The following ARHGAP26 variants were observed in gnomAD, a reference collection of about 807,000 sequenced individuals.
ARHGAP26 encodes the protein Rho GTPase activating protein 26.
Under a neutral mutation model 104.8 loss-of-function variants are expected in ARHGAP26, and 38 were observed. That is an observed-to-expected ratio of 0.36 (90% CI 0.28 to 0.48). The LOEUF (loss-of-function observed/expected upper bound fraction) is 0.48. ARHGAP26 is among the 20% of genes least tolerant of loss of function. The pLI is 0.99. For synonymous variants in ARHGAP26, 341 were observed against 340.0 expected (o/e 1.00, Z -0.03); for missense variants, 704 against 947.9 (o/e 0.74, Z 3.38).
chr5:143,004,298 G>T (rs916814672), intron 11 of ARHGAP26, among the ~76,000 whole-genome samples: 12 of 152,072 alleles, frequency 7.9e-5, no homozygotes, highest in African/African-American at 2.9e-4. Flanking sequence ...TCCTTCTCAG[G>T]CCATATTTAG....
At chr5:142,771,029 G>C in intron 1 of ARHGAP26, 114 bp downstream of exon 1, 2 of 1,444,792 alleles carry the variant, frequency 1.4e-6, no homozygotes, top group Non-Finnish European at 1.8e-6. Context: ...GTACACTGGG[G>C]GACGGGTGTC....
At chr5:143,022,827 C>A (rs1780535852) in intron 12 of ARHGAP26, among the ~76,000 whole-genome samples, 2 of 152,198 alleles carry the variant, frequency 1.3e-5, no homozygotes, top group Admixed American at 6.5e-5. Flanking sequence ...TTGCCAGGGT[C>A]ATTTTTTTCC....
intron 17 of ARHGAP26, among the ~76,000 whole-genome samples, chr5:143,114,599 T>C (rs1447919670): frequency 6.6e-6 from 1 of 152,032 alleles, no homozygotes; most frequent in Non-Finnish European, 1.5e-5. Flanking sequence ...TCTGAGAGGG[T>C]AGTAGAGAGA....
chr5:143,142,271 T>C (rs1798643891), intron 19 of ARHGAP26, among the ~76,000 whole-genome samples: 1 of 151,524 alleles, frequency 6.6e-6, no homozygotes. Flanking sequence ...CCTGAGTAGC[T>C]GGGACTGCAT....
intron 18 of ARHGAP26, among the ~76,000 whole-genome samples, chr5:143,133,716 A>G (rs1050590376): frequency 2.0e-5 from 3 of 152,182 alleles, no homozygotes; most frequent in Admixed American, 6.5e-5. Flanking sequence ...CGCTTAGTGG[A>G]AATTGTGGCA....
intron 5 of ARHGAP26, among the ~76,000 whole-genome samples, chr5:142,890,103 T>C (rs1238620996): frequency 8.1e-6 from 1 of 123,162 alleles, no homozygotes; most frequent in Non-Finnish European, 1.6e-5. Flanking sequence ...GCCATTGTAC[T>C]CCAGCCTGGG....
chr5:143,000,002 G>A (rs767787259), intron 11 of ARHGAP26, among the ~76,000 whole-genome samples: 4 of 152,108 alleles, frequency 2.6e-5, no homozygotes, highest in African/African-American at 4.8e-5. Flanking sequence ...ATACATACAT[G>A]AAAAAGTATA....
rs1336267009 is a variant in ARHGAP26 at position 143,147,318 on chromosome 5, A to G, written c.1925A>G (p.Gln642Arg). The change falls in exon 20 of 23, where the codon CAG becomes CGG. Residue 642 changes from glutamine (Q) to arginine (R), a missense_variant. By Grantham distance (43) the Gln-to-Arg change is conservative. Coordinates refer to ENST00000645722, the MANE Select transcript of ARHGAP26 (RefSeq NM_001135608.3). Reference protein sequence around the residue: ...NSILNSSSSLQPNMNSSDPDL... With the variant: ...NSILNSSSSLRPNMNSSDPDL... ...ATCCTTAATTCCAGCAGCAGCTTAC[A>G]GCCCAACATGAACTCCAGTGACCCA... is the stretch of plus-strand genomic sequence containing the variant. 3 of 1,613,948 alleles carry G rather than the reference A, an allele frequency of 1.9e-6. No homozygotes were observed. The highest frequency in any genetic ancestry group is 2.5e-6 in the Non-Finnish European group (3 of 1,179,992).
intron 1 of ARHGAP26, among the ~76,000 whole-genome samples, chr5:142,815,311 G>A (rs996448085): frequency 1.3e-5 from 2 of 152,190 alleles, no homozygotes; most frequent in Non-Finnish European, 2.9e-5. Context: ...AAAGTGCTGG[G>A]ATTACCGGTG....
intron 11 of ARHGAP26, chr5:142,947,113 A>AAAAAAAAAAAAAAAAC (rs1767248949): frequency 6.6e-6 from 1 of 150,710 alleles, no homozygotes. Context: ...AAAAAAAAAA[A>AAAAAAAAAAAAAAAAC]AAAAAAGAGA....
chr5:142,846,453 AG>A (rs1477972234), intron 1 of ARHGAP26, among the ~76,000 whole-genome samples: 4 of 152,048 alleles, frequency 2.6e-5, no homozygotes, highest in Admixed American at 6.5e-5. Context: ...GGTCTTTTTG[AG>A]GATTAGTCTG....
At chr5:142,810,702 C>T (rs1261638378) in intron 1 of ARHGAP26, among the ~76,000 whole-genome samples, 1 of 152,182 alleles carries the variant, frequency 6.6e-6, no homozygotes, top group Non-Finnish European at 1.5e-5. Flanking sequence ...TTTTTTGCTA[C>T]ATTGATGTAA....
intron 5 of ARHGAP26, among the ~76,000 whole-genome samples, chr5:142,893,741 C>T (rs1759056069): frequency 6.6e-6 from 1 of 152,180 alleles, no homozygotes; most frequent in Non-Finnish European, 1.5e-5. Context: ...CCCATCCTTA[C>T]CAGCATTTGC....
rs578117396 is a variant in ARHGAP26, at chr5:142,959,963, A to G, written c.1107+27838A>G. On this transcript the variant is annotated intron_variant, in intron 11 of 22. Transcript: ENST00000645722. ...AGGTGGGAAAAGGCAACTATATGGGATTGGTCTGTTTTTGTATTCCAAGGG... is the reference window on the plus strand; with the variant it reads ...AGGTGGGAAAAGGCAACTATATGGGGTTGGTCTGTTTTTGTATTCCAAGGG... Among the ~76,000 whole-genome samples the G allele has an allele frequency of 1.1e-3, 160 of 152,304 alleles. 1 individual carries two copies. Among genetic ancestry groups the G allele is most frequent in the Middle Eastern group, 3.4e-3 (1 of 292 alleles).
chr5:142,894,281 T>A lies in ARHGAP26; in HGVS notation c.530T>A (p.Val177Glu), dbSNP rs1169376915. 1 of 1,614,126 alleles carries A rather than the reference T, an allele frequency of 6.2e-7. No individual in the cohort carries two copies. Among genetic ancestry groups the A allele is most frequent in the Non-Finnish European group, 8.5e-7 (1 of 1,179,980 alleles). ...VDLVRQHFYE[V>E]SLEYVFKVQE... ...CTGGTCCGGCAGCATTTCTATGAAG[T>A]ATCCCTGGAATATGTCTTCAAGGTG... The change falls in exon 6 of 23, where the codon GTA (valine) becomes GAA (glutamate). Residue 177 changes from valine (V) to glutamate (E), a missense_variant. Physicochemically the swap from Val to Glu is moderately radical, Grantham distance 121. Transcript: ENST00000645722.
intron 6 of ARHGAP26, among the ~76,000 whole-genome samples, chr5:142,900,881 T>G (rs544822145): frequency 2.0e-5 from 3 of 152,070 alleles, no homozygotes; most frequent in Non-Finnish European, 4.4e-5. Context: ...TCAGAAAATG[T>G]GGGTCAGCCT....
chr5:142,854,780 G>C (rs1245991999), intron 1 of ARHGAP26, among the ~76,000 whole-genome samples: 1 of 152,210 alleles, frequency 6.6e-6, no homozygotes, highest in Non-Finnish European at 1.5e-5. Context: ...GAGGCATGTT[G>C]GGGTATTGTG....
intron 12 of ARHGAP26, among the ~76,000 whole-genome samples, chr5:143,019,451 G>A (rs769125835): frequency 2.6e-5 from 4 of 152,090 alleles, no homozygotes; most frequent in Non-Finnish European, 4.4e-5. Flanking sequence ...TCTTTTTGCT[G>A]TTCCCTACCT....
At chr5:142,849,654 C>T (rs1203378898) in intron 1 of ARHGAP26, among the ~76,000 whole-genome samples, 2 of 152,202 alleles carry the variant, frequency 1.3e-5, no homozygotes. Flanking sequence ...TCCCTAGCTT[C>T]TGCCACCACC....
Sources: gnomAD v4.1 joint callset for allele counts (sites outside exome capture counted in the v4.1 genomes callset) on GRCh38, gnomAD v4.1.1 for gene constraint, MANE v1.5 for transcripts, NCBI Gene and HGNC (gene_info 2026-07-23, HGNC 2026-07-21) for gene names.